The following NFATC3 variants were observed in gnomAD, a reference collection of about 807,000 sequenced individuals.
NFATC3 encodes nuclear factor of activated T-cells, cytoplasmic 3.
Under a neutral mutation model 98.6 loss-of-function variants are expected in NFATC3, and 46 were observed. The ratio of observed to expected loss-of-function variants is 0.47; its 90% confidence interval spans 0.37 to 0.60. The LOEUF is 0.60. Ranked by LOEUF, NFATC3 falls within the 20% of genes least tolerant of loss-of-function variation. The pLI, the probability that NFATC3 is intolerant of heterozygous loss-of-function variation, is 0.00. For synonymous variants in NFATC3, 512 were observed against 472.2 expected (o/e 1.08, Z -1.09); for missense variants, 1,256 against 1,295.5 (o/e 0.97, Z 0.47).
At chr16:68,222,327 TAGAAAAA>T (rs1170728003) in intron 9 of NFATC3, among the ~76,000 whole-genome samples, 7 of 55,460 alleles carry the variant, frequency 1.3e-4, no homozygotes, top group East Asian at 4.9e-4. Context: ...AAAAAAAAAA[TAGAAAAA>T]AGAAAAAAAA....
chr16:68,171,349 G>A (rs1206739637), intron 5 of NFATC3, among the ~76,000 whole-genome samples: 1 of 152,112 alleles, frequency 6.6e-6, no homozygotes, highest in African/African-American at 2.4e-5. Context: ...CCTGTAATCA[G>A]TGTTTGTTTT....
At chr16:68,116,181 G>T (rs1402820242) in intron 1 of NFATC3, among the ~76,000 whole-genome samples, 2 of 151,706 alleles carry the variant, frequency 1.3e-5, no homozygotes, top group African/African-American at 4.8e-5. Context: ...ACTTTTTTTT[G>T]TCATGACACA....
At chr16:68,214,367 TCAGC>T (rs2041547139) in intron 9 of NFATC3, 2 of 1,614,104 alleles carry the variant, frequency 1.2e-6, no homozygotes, top group African/African-American at 2.7e-5. Flanking sequence ...GCCATCAGGT[TCAGC>T]AGAGAAATGG....
chr16:68,173,295 G>A (rs960415907), intron 5 of NFATC3, among the ~76,000 whole-genome samples: 11 of 144,634 alleles, frequency 7.6e-5, no homozygotes, highest in East Asian at 4.2e-4. Context: ...GGCCGGGCGC[G>A]GTGGCTCACA....
At chr16:68,221,079 T>A in intron 9 of NFATC3, 2 of 1,105,796 alleles carry the variant, frequency 1.8e-6, no homozygotes, top group Admixed American at 4.6e-5. Context: ...AGCAAATTCA[T>A]GCATATATCC....
intron 1 of NFATC3, among the ~76,000 whole-genome samples, chr16:68,098,026 G>C (rs1037380768): frequency 6.6e-6 from 1 of 152,028 alleles, no homozygotes; most frequent in African/African-American, 2.4e-5. Flanking sequence ...GTTATTGAGT[G>C]TATCAGTAGG....
At chr16:68,099,058 T>C (rs1039320347) in intron 1 of NFATC3, among the ~76,000 whole-genome samples, 1 of 152,226 alleles carries the variant, frequency 6.6e-6, no homozygotes, top group African/African-American at 2.4e-5. Context: ...CAATTTTACA[T>C]GCACTGATTT....
chr16:68,207,266 T>A (rs943162853), intron 9 of NFATC3, among the ~76,000 whole-genome samples: 1 of 149,820 alleles, frequency 6.7e-6, no homozygotes, highest in Non-Finnish European at 1.5e-5. Flanking sequence ...GCCGAGACCA[T>A]GCCATTGCAC....
rs1241835522 is a variant in NFATC3, at chr16:68,192,224, A to ATATAT, written c.3106+449_3106+450insTATAT. 3.2e-3 allele frequency: 214 copies of ATATAT among 67,052 alleles called. 7 individuals are homozygous for ATATAT. The highest frequency in any genetic ancestry group is 8.6e-3 in the African/African-American group (164 of 19,004). The allele number at this position is 67,052 out of a possible 1,614,324, so 4.2% of individuals were successfully genotyped here. On this transcript the variant is annotated intron_variant, in intron 9 of 9. Coordinates refer to ENST00000346183, the MANE Select transcript of NFATC3 (RefSeq NM_173165.3). ...CTCCGTCTCGGGAAAAAAAAAAAAA[A>ATATAT]AAAAAAATATATATATATATATATA...
intron 9 of NFATC3, chr16:68,217,955 T>A (rs140177159): frequency 8.2e-7 from 1 of 1,218,898 alleles, no homozygotes; most frequent in Non-Finnish European, 1.0e-6. Flanking sequence ...TGTGGAAGAA[T>A]GAATTAAGAT....
intron 3 of NFATC3, among the ~76,000 whole-genome samples, 200 bp from the exon 4 acceptor site, chr16:68,157,669 C>T (rs567058928): frequency 1.6e-4 from 24 of 152,208 alleles, no homozygotes; most frequent in African/African-American, 5.3e-4. Context: ...CTTTATGTAA[C>T]GTATTCCAGT....
chr16:68,126,320 G>A, intron 2 of NFATC3, 128 bp from the exon 3 acceptor site: 2 of 764,188 alleles, frequency 2.6e-6, no homozygotes, highest in South Asian at 2.5e-5. Context: ...ACTAAATGAA[G>A]TTTTATTTTG....
At chr16:68,101,645 G>A (rs2035369922) in intron 1 of NFATC3, among the ~76,000 whole-genome samples, 1 of 151,900 alleles carries the variant, frequency 6.6e-6, no homozygotes. Flanking sequence ...CACCACGCCT[G>A]GCTAATTTTT....
chr16:68,157,374 C>G (rs1318148109), intron 3 of NFATC3, among the ~76,000 whole-genome samples: 2 of 152,140 alleles, frequency 1.3e-5, no homozygotes, highest in African/African-American at 4.8e-5. Flanking sequence ...TTAGCCTTAG[C>G]TAGGCTGCTT....
At position 68,122,172 on chromosome 16, in the gene NFATC3, T is replaced by G; in HGVS notation, c.289T>G (p.Tyr97Asp). The change falls in exon 2 of 10, where the codon TAT (tyrosine) becomes GAT (aspartate). Residue 97 changes from tyrosine (Y) to aspartate (D), a missense_variant. Tyr to Asp is a radical substitution (Grantham distance 160). Transcript: ENST00000346183. ...EGTCEIPESKYSPLGGPKPFE... is the reference protein window; with the variant it reads ...EGTCEIPESKDSPLGGPKPFE... Reference sequence around the variant, plus strand: ...AACTTGTGAGATTCCTGAATCTAAATATAGCCCATTAGGTGGTCCCAAACC... The same window carrying G: ...AACTTGTGAGATTCCTGAATCTAAAGATAGCCCATTAGGTGGTCCCAAACC... 1 of 1,614,152 alleles carries G rather than the reference T, an allele frequency of 6.2e-7. No individual in the cohort carries two copies. The highest frequency in any genetic ancestry group is 8.5e-7 in the Non-Finnish European group (1 of 1,180,032).
Position 68,180,991 on chromosome 16 carries a change from A to G in NFATC3, c.1916-484A>G, listed in dbSNP as rs534197077. ...TGTGTGCATGTGTCTTTATAGCAGC[A>G]TGATTTATAATCCTTTGGGTATATA... is the stretch of plus-strand genomic sequence containing the variant. On this transcript the variant is annotated intron_variant, in intron 6 of 9. Coordinates refer to ENST00000346183, the MANE Select transcript of NFATC3 (RefSeq NM_173165.3). Among the ~76,000 whole-genome samples, 12 of 152,334 alleles carry G rather than the reference A, an allele frequency of 7.9e-5. No individual in the cohort carries two copies. In the South Asian group the frequency reaches 2.5e-3, roughly 32 times the overall value.
chr16:68,086,869 A>C, intron 1 of NFATC3: 1 of 797,318 alleles, frequency 1.3e-6, no homozygotes, highest in African/African-American at 1.9e-5. Context: ...ATAATTTATA[A>C]TAGTTATGTG....
Position 68,191,192 on chromosome 16 carries a change from A to C in NFATC3, c.2523A>C (p.Leu841Phe), listed in dbSNP as rs1345896387. ...AGCAGGATGCAACTCTTTCTGGTTT[A>C]GTGAATCTTGGCTGTCAACCACTGT... is the stretch of plus-strand genomic sequence containing the variant. ...LFQQDATLSG[L>F]VNLGCQPLSS... is the part of the protein sequence containing the mutation. The change falls in exon 9 of 10, where the codon TTA becomes TTC. Residue 841 changes from leucine to phenylalanine, a missense_variant. By Grantham distance (22) the Leu-to-Phe change is conservative. Coordinates refer to ENST00000346183, the MANE Select transcript of NFATC3 (RefSeq NM_173165.3). 1 of 1,614,212 alleles carries C rather than the reference A, an allele frequency of 6.2e-7. No individual in the cohort carries two copies.
At chr16:68,181,140 A>G (rs577466174) in intron 6 of NFATC3, among the ~76,000 whole-genome samples, 9 of 152,236 alleles carry the variant, frequency 5.9e-5, no homozygotes, top group Admixed American at 4.6e-4. Flanking sequence ...AAGTGTTCCT[A>G]TTTCTCCACA....
Sources: allele counts gnomAD v4.1 joint callset (sites outside exome capture counted in the v4.1 genomes callset), GRCh38; gene constraint gnomAD v4.1.1; transcripts MANE v1.5; gene names NCBI Gene and HGNC (gene_info 2026-07-23, HGNC 2026-07-21).